Variants in DOCK1 observed in about 807,000 individuals in gnomAD.
DOCK1 encodes dedicator of cytokinesis protein 1.
A neutral mutation model predicts 262.7 loss-of-function variants in DOCK1; 138 were observed. That is an observed-to-expected ratio of 0.53 (90% CI 0.46 to 0.61). The LOEUF (loss-of-function observed/expected upper bound fraction) is 0.61. DOCK1 is among the 20% of genes least tolerant of loss of function. The pLI, the probability that DOCK1 is intolerant of heterozygous loss-of-function variation, is 0.00. For synonymous variants in DOCK1, 866 were observed against 867.4 expected (o/e 1.00, Z 0.03); for missense variants, 1,908 against 2,370.7 (o/e 0.80, Z 4.05).
chr10:127,183,358 G>C (rs758520848), intron 27 of DOCK1, among the ~76,000 whole-genome samples: 4 of 152,150 alleles, frequency 2.6e-5, no homozygotes, highest in Non-Finnish European at 5.9e-5. Flanking sequence ...TCGACCATCA[G>C]AATGGATCCC....
At chr10:127,332,638 C>T (rs2063034325) in intron 29 of DOCK1, among the ~76,000 whole-genome samples, 1 of 152,190 alleles carries the variant, frequency 6.6e-6, no homozygotes. Flanking sequence ...TTTCCCAAAT[C>T]CCAAAGACAC....
At chr10:126,977,803 C>A in intron 2 of DOCK1, 145 bp from the exon 3 acceptor site, 1 of 787,922 alleles carries the variant, frequency 1.3e-6, no homozygotes, top group Non-Finnish European at 2.1e-6. Context: ...AGTATATCTC[C>A]AAAGCCTTAG....
chr10:126,938,806 A>G, intron 1 of DOCK1, among the ~76,000 whole-genome samples: 1 of 50,788 alleles, frequency 2.0e-5, no homozygotes, highest in Non-Finnish European at 5.1e-5. Flanking sequence ...TGAGCACCGG[A>G]GGGGATGAAC....
At chr10:127,121,437 A>G (rs1444911192) in intron 25 of DOCK1, among the ~76,000 whole-genome samples, 2 of 112,832 alleles carry the variant, frequency 1.8e-5, no homozygotes, top group Admixed American at 8.8e-5. Flanking sequence ...AAGATAGGTC[A>G]TTGTAGGGTA....
intron 1 of DOCK1, among the ~76,000 whole-genome samples, chr10:126,960,743 T>C (rs913294723): frequency 3.9e-5 from 5 of 127,538 alleles, no homozygotes; most frequent in East Asian, 2.0e-4. Flanking sequence ...TATATATATA[T>C]ATACACACAC....
At chr10:127,017,430 C>T (rs962963008) in intron 12 of DOCK1, among the ~76,000 whole-genome samples, 4 of 151,852 alleles carry the variant, frequency 2.6e-5, no homozygotes, top group African/African-American at 7.3e-5. Flanking sequence ...CAGAAAGACA[C>T]AGATACAGAA....
chr10:127,281,322 T>C (rs1025176392), intron 29 of DOCK1, among the ~76,000 whole-genome samples: 6 of 152,246 alleles, frequency 3.9e-5, no homozygotes, highest in Admixed American at 3.9e-4. Flanking sequence ...CTCAAGTAGT[T>C]TTGTGGCTTG....
At chr10:127,396,022 G>A (rs1276504747) in intron 38 of DOCK1, among the ~76,000 whole-genome samples, 1 of 151,996 alleles carries the variant, frequency 6.6e-6, no homozygotes, top group Non-Finnish European at 1.5e-5. Flanking sequence ...GGGTGTCAAG[G>A]AAAGGGAGAA....
At position 127,437,663 on chromosome 10, in the gene DOCK1, G is replaced by A. The variant is rs1279602819; in HGVS notation, c.5061-1364G>A. Among the ~76,000 whole-genome samples, 1 of 152,018 alleles carries A rather than the reference G, an allele frequency of 6.6e-6. No homozygotes were observed. The highest frequency in any genetic ancestry group is 2.4e-5 in the African/African-American group (1 of 41,404). On this transcript the variant is annotated intron_variant, in intron 48 of 51. Coordinates refer to ENST00000623213, the MANE Select transcript of DOCK1 (RefSeq NM_001290223.2). This position sits in a 1 kb window ranked among gnomAD's most constrained non-coding sequence, Gnocchi z 4.4. ...CCAGCTAATTTTTGTACGTTTTATC[G>A]AGACTGGATCTTGCCATGTTGGCCA...
intron 27 of DOCK1, among the ~76,000 whole-genome samples, chr10:127,168,008 A>G (rs968966183): frequency 2.0e-5 from 3 of 152,182 alleles, no homozygotes; most frequent in African/African-American, 7.2e-5. Flanking sequence ...CTCTTTGTCC[A>G]TAATTCATTT....
At chr10:127,203,709 A>G (rs920865243) in intron 27 of DOCK1, among the ~76,000 whole-genome samples, 4 of 150,116 alleles carry the variant, frequency 2.7e-5, no homozygotes, top group African/African-American at 9.8e-5. Context: ...CTTTAATTGC[A>G]CTGCACGGTA....
At chr10:127,324,173 C>A (rs1163727637) in intron 29 of DOCK1, among the ~76,000 whole-genome samples, 7 of 152,204 alleles carry the variant, frequency 4.6e-5, no homozygotes, top group African/African-American at 1.7e-4. Flanking sequence ...CTTCTGATGT[C>A]TTCCACCCTG....
Position 127,051,570 on chromosome 10 carries a change from G to T in DOCK1, c.2202-1111G>T, listed in dbSNP as rs573850084. Among the ~76,000 whole-genome samples, 47 of 152,088 alleles carry T rather than the reference G, an allele frequency of 3.1e-4. No individual in the cohort carries two copies. In the South Asian group the frequency reaches 9.8e-3, roughly 32 times the overall value. ...AAATACACATAACATAAAATTCACC[G>T]AATCATTTTATTTTATTTTATGATT... On this transcript the variant is annotated intron_variant, in intron 21 of 51. Transcript: ENST00000623213.
chr10:127,127,632 C>T, intron 26 of DOCK1, 37 bp from the exon 27 acceptor site: 1 of 1,529,458 alleles, frequency 6.5e-7, no homozygotes, highest in African/African-American at 1.4e-5. Flanking sequence ...GTTAATGTTT[C>T]TCTGGTGTTG....
chr10:127,154,150 A>AT (rs2052793956), intron 27 of DOCK1, among the ~76,000 whole-genome samples: 1 of 152,220 alleles, frequency 6.6e-6, no homozygotes, highest in Non-Finnish European at 1.5e-5. Flanking sequence ...AGTGAACATA[A>AT]GCTCCTGGAT....
chr10:127,323,050 TGATCAATGCTC>T (rs61256712), intron 29 of DOCK1, among the ~76,000 whole-genome samples: 76,045 of 151,694 alleles, frequency 0.5, 19,476 homozygotes, highest in African/African-American at 0.62. Context: ...TCTGGATGAT[TGATCAATGCTC>T]GATCAATGCG....
At position 127,404,350 on chromosome 10, in the gene DOCK1, A is replaced by G. The variant is rs2134330958; in HGVS notation, c.4043A>G (p.Asn1348Ser). Reference sequence around the variant, plus strand: ...AAAAAACAGGCTCAGTTTTATGAAAACATCGTCAAAGTGATCAGGCCCAAG... The same window carrying G: ...AAAAAACAGGCTCAGTTTTATGAAAGCATCGTCAAAGTGATCAGGCCCAAG... ...LLKKQAQFYENIVKVIRPKPD... is the reference protein window; with the variant it reads ...LLKKQAQFYESIVKVIRPKPD... Residue 1348 changes from asparagine (N) to serine (S), a missense_variant, in exon 40 of 52, where the codon AAC (asparagine) becomes AGC (serine). Asn to Ser is a conservative substitution (Grantham distance 46). Around this residue, in one of 9 missense-constraint regions of DOCK1, gnomAD observed 267 missense variants for 366.3 expected, o/e 0.73. Coordinates refer to ENST00000623213, the MANE Select transcript of DOCK1 (RefSeq NM_001290223.2). 6.2e-7 allele frequency: 1 copy of G among 1,613,822 alleles called. No individual in the cohort carries two copies. Among genetic ancestry groups the G allele is most frequent in the East Asian group, 2.2e-5 (1 of 44,886 alleles).
chr10:127,410,888 C>A lies in DOCK1; in HGVS notation c.4392C>A (p.Ile1464=), dbSNP rs775895733. ...AGCGATTTGAATATTCTCGGCCAAT[C>A]CGGAAGGGAGAGAAAAACCCAGACA... The part of the protein sequence containing the change: ...EVQRFEYSRP[I]RKGEKNPDNE... The change falls in exon 43 of 52, where the codon ATC becomes ATA. Residue 1464 remains isoleucine (I), a synonymous_variant. Coordinates refer to ENST00000623213, the MANE Select transcript of DOCK1 (RefSeq NM_001290223.2). 6.2e-7 allele frequency: 1 copy of A among 1,613,818 alleles called. No individual in the cohort carries two copies. Among genetic ancestry groups the A allele is most frequent in the Non-Finnish European group, 8.5e-7 (1 of 1,179,864 alleles).
intron 43 of DOCK1, among the ~76,000 whole-genome samples, chr10:127,414,202 C>T (rs1000325641): frequency 1.3e-5 from 2 of 152,192 alleles, no homozygotes; most frequent in South Asian, 4.1e-4. Flanking sequence ...GTGAGCCCCC[C>T]ACGCTTGTCC....
Sources: gnomAD v4.1 joint callset for allele counts (sites outside exome capture counted in the v4.1 genomes callset) on GRCh38, gnomAD v4.1.1 for gene constraint, gnomAD v4.1.1 regional missense constraint, Gnocchi (gnomAD v3.1) non-coding constraint, MANE v1.5 for transcripts, NCBI Gene and HGNC (gene_info 2026-07-23, HGNC 2026-07-21) for gene names.